FER: variants seen among roughly 807,000 people sequenced by gnomAD.
FER encodes the protein tyrosine-protein kinase Fer.
Under a neutral mutation model 111.0 loss-of-function variants are expected in FER, and 63 were observed. The observed-to-expected ratio is 0.57, with a 90% confidence interval of 0.46 to 0.70. The LOEUF (loss-of-function observed/expected upper bound fraction) is 0.70, where lower values mean the gene tolerates loss of function less well. Ranked by LOEUF, FER falls within the 30% of genes least tolerant of loss-of-function variation. The pLI is 0.00. For missense variants in FER, 914 were observed against 954.0 expected (o/e 0.96, Z 0.55); for synonymous variants, 327 against 313.9 (o/e 1.04, Z -0.44).
At chr5:109,176,788 G>C (rs1421464444) in intron 17 of FER, among the ~76,000 whole-genome samples, 8 of 152,086 alleles carry the variant, frequency 5.3e-5, no homozygotes, top group Non-Finnish European at 1.2e-4. Flanking sequence ...AGAAGTAATG[G>C]AACCGTATAC....
chr5:108,840,776 C>G (rs1464355708), intron 5 of FER, among the ~76,000 whole-genome samples: 1 of 152,160 alleles, frequency 6.6e-6, no homozygotes, highest in African/African-American at 2.4e-5. Context: ...TTGTCTTACT[C>G]TTAGTGCTCA....
chr5:109,106,706 T>G (rs1424137470), intron 17 of FER, among the ~76,000 whole-genome samples: 1 of 152,200 alleles, frequency 6.6e-6, no homozygotes, highest in Non-Finnish European at 1.5e-5. Flanking sequence ...TATAAAAATT[T>G]TTTATCCTAC....
intron 17 of FER, among the ~76,000 whole-genome samples, chr5:109,125,815 A>G (rs1236753589): frequency 2.0e-5 from 3 of 152,220 alleles, no homozygotes; most frequent in African/African-American, 7.2e-5. Context: ...TAGTTTTAGA[A>G]TAAGAACATT....
chr5:109,168,381 T>C (rs1179705687), intron 17 of FER, among the ~76,000 whole-genome samples: 1 of 152,124 alleles, frequency 6.6e-6, no homozygotes, highest in African/African-American at 2.4e-5. Flanking sequence ...AAGGCATGAC[T>C]GGAGGGTTGG....
At chr5:108,935,870 A>G (rs543218233) in intron 10 of FER, among the ~76,000 whole-genome samples, 1 of 152,188 alleles carries the variant, frequency 6.6e-6, no homozygotes, top group South Asian at 2.1e-4. Context: ...GTATTATGAG[A>G]CCAGAAAGTC....
At chr5:109,165,015 A>G (rs2126763385) in intron 17 of FER, among the ~76,000 whole-genome samples, 1 of 152,124 alleles carries the variant, frequency 6.6e-6, no homozygotes, top group East Asian at 1.9e-4. Context: ...TCCTTGAGTA[A>G]TTCTTTTTTA....
chr5:108,814,808 A>G (rs1758116624), intron 3 of FER, among the ~76,000 whole-genome samples: 1 of 152,034 alleles, frequency 6.6e-6, no homozygotes, highest in Non-Finnish European at 1.5e-5. Flanking sequence ...ATTTATAGTT[A>G]TTTTGAAGTG....
intron 17 of FER, among the ~76,000 whole-genome samples, chr5:109,118,455 G>A (rs1233628668): frequency 6.6e-6 from 1 of 152,140 alleles, no homozygotes; most frequent in Non-Finnish European, 1.5e-5. Context: ...ATGGATATTG[G>A]TCTAAAATTC....
At chr5:109,151,190 T>C (rs1754806288) in intron 17 of FER, among the ~76,000 whole-genome samples, 1 of 152,170 alleles carries the variant, frequency 6.6e-6, no homozygotes, top group South Asian at 2.1e-4. Context: ...TACATTTGTT[T>C]TATCCATTTT....
At chr5:108,907,840 A>ATT (rs139115292) in intron 10 of FER, among the ~76,000 whole-genome samples, 3 of 151,430 alleles carry the variant, frequency 2.0e-5, no homozygotes, top group Admixed American at 1.3e-4. Context: ...GTATCAGTGG[A>ATT]TTTTTTTTTC....
intron 3 of FER, among the ~76,000 whole-genome samples, chr5:108,818,790 G>T (rs932476907): frequency 1.3e-5 from 2 of 152,062 alleles, no homozygotes; most frequent in African/African-American, 4.8e-5. Context: ...CATATCCATA[G>T]CTTCTCACAG....
intron 4 of FER, among the ~76,000 whole-genome samples, chr5:108,833,904 C>T (rs1018152908): frequency 2.6e-5 from 4 of 151,916 alleles, no homozygotes; most frequent in South Asian, 2.1e-4. Context: ...ACTACAATAC[C>T]GTTAATTTGC....
intron 1 of FER, among the ~76,000 whole-genome samples, chr5:108,753,164 A>G (rs1049872597): frequency 6.6e-6 from 1 of 152,142 alleles, no homozygotes; most frequent in Non-Finnish European, 1.5e-5. Flanking sequence ...CAGCTTCTGT[A>G]TTCAGTTCTT....
rs1167365517 is a variant in FER at position 108,867,820 on chromosome 5, C to G, written c.535C>G (p.His179Asp). The stretch of plus-strand genomic sequence containing the variant: ...ATACGACAAAGCCACAATGAAACTT[C>G]ATATGTTGCACAATCAGTATGTATT... ...ERYDKATMKLHMLHNQYVLAL... is the reference protein window; with the variant it reads ...ERYDKATMKLDMLHNQYVLAL... The change falls in exon 6 of 20, where the codon CAT becomes GAT. Residue 179 changes from histidine to aspartate, a missense_variant. His to Asp is a moderately conservative substitution (Grantham distance 81, BLOSUM62 -1). Around this residue, in one of 3 missense-constraint regions of FER, gnomAD observed 774 missense variants for 782.6 expected, o/e 0.99. Transcript: ENST00000281092. 1.9e-6 allele frequency: 3 copies of G among 1,612,240 alleles called. No homozygotes were observed. The highest frequency in any genetic ancestry group is 2.5e-6 in the Non-Finnish European group (3 of 1,179,382).
At chr5:108,972,428 T>G (rs962546948) in intron 13 of FER, among the ~76,000 whole-genome samples, 11 of 152,232 alleles carry the variant, frequency 7.2e-5, no homozygotes, top group Non-Finnish European at 1.5e-4. Flanking sequence ...ATATTTTCAT[T>G]ATTCCATCTT....
At chr5:109,007,147 G>A (rs1765603741) in intron 13 of FER, among the ~76,000 whole-genome samples, 1 of 151,990 alleles carries the variant, frequency 6.6e-6, no homozygotes, top group African/African-American at 2.4e-5. Flanking sequence ...TATTGATATT[G>A]GCCAAATGCA....
chr5:108,872,140 T>G lies in FER; in HGVS notation c.851T>G (p.Leu284Arg). The change falls in exon 8 of 20, where the codon CTG becomes CGG. Residue 284 changes from leucine to arginine, a missense_variant. Around this residue, in one of 3 missense-constraint regions of FER, gnomAD observed 774 missense variants for 782.6 expected, o/e 0.99. Coordinates refer to ENST00000281092, the MANE Select transcript of FER (RefSeq NM_005246.4). ...GAAATAGAGTTTGATACTTCCTTACTGGAAGAAAATGAAAATCTTCAGGCA... is the reference window on the plus strand; with the variant it reads ...GAAATAGAGTTTGATACTTCCTTACGGGAAGAAAATGAAAATCTTCAGGCA... ...EQEIEFDTSL[L>R]EENENLQANE... is the part of the protein sequence containing the mutation. The G allele has an allele frequency of 1.9e-6, 3 of 1,611,542 alleles. No homozygotes were observed. Among genetic ancestry groups the G allele is most frequent in the Non-Finnish European group, 2.5e-6 (3 of 1,178,696 alleles).
At position 108,798,157 on chromosome 5, in the gene FER, G is replaced by C. The variant is rs1561435472; in HGVS notation, c.-26G>C. Reference sequence around the variant, plus strand: ...TGATTAGAAGGCTCACTTGTGCAGTGTGGAGGATAACCAGTGCCTTACAAA... The same window carrying C: ...TGATTAGAAGGCTCACTTGTGCAGTCTGGAGGATAACCAGTGCCTTACAAA... On this transcript the variant is annotated 5_prime_UTR_variant, in exon 3 of 20. Transcript: ENST00000281092. 6.3e-7 allele frequency: 1 copy of C among 1,584,306 alleles called. No individual in the cohort carries two copies.
chr5:108,766,841 T>C (rs1752371482), intron 1 of FER, among the ~76,000 whole-genome samples: 1 of 152,142 alleles, frequency 6.6e-6, no homozygotes, highest in African/African-American at 2.4e-5. Context: ...AAAAATAGTA[T>C]GGCACAGGCA....
Sources: allele counts gnomAD v4.1 joint callset (sites outside exome capture counted in the v4.1 genomes callset), GRCh38; gene constraint gnomAD v4.1.1; regional missense constraint gnomAD v4.1.1; transcripts MANE v1.5; gene names NCBI Gene and HGNC (gene_info 2026-07-23, HGNC 2026-07-21).